CALN1: variants seen among roughly 807,000 people sequenced by gnomAD.
The protein encoded by CALN1 is calneuron 1, also known as calcium-binding protein 8.
In CALN1, 17 loss-of-function variants were observed where a neutral mutation model predicts 30.6. That is an observed-to-expected ratio of 0.56 (90% confidence interval 0.38 to 0.83). The LOEUF (loss-of-function observed/expected upper bound fraction) is 0.83. CALN1 is among the 40% of genes least tolerant of loss of function. The pLI is 0.00. For missense variants in CALN1, 291 were observed against 354.9 expected (o/e 0.82, Z 1.45); for synonymous variants, 156 against 131.4 (o/e 1.19, Z -1.28).
chr7:72,247,785 GTT>G (rs1795290276), intron 3 of CALN1, among the ~76,000 whole-genome samples: 1 of 152,128 alleles, frequency 6.6e-6, no homozygotes, highest in African/African-American at 2.4e-5. Context: ...GAGGCCTGGA[GTT>G]GGAGATGACC....
At chr7:72,212,924 C>T (rs750747472) in intron 3 of CALN1, among the ~76,000 whole-genome samples, 1 of 152,238 alleles carries the variant, frequency 6.6e-6, no homozygotes, top group Non-Finnish European at 1.5e-5. Context: ...GGGCCACCTT[C>T]CACATGGAGA....
At chr7:72,459,244 T>C in the CALN1 span, among the ~76,000 whole-genome samples, 2 of 152,156 alleles carry the variant, frequency 1.3e-5, no homozygotes, top group Non-Finnish European at 2.9e-5. Flanking sequence ...CTTAGCTCCC[T>C]GATGTAAAAT....
chr7:72,174,362 C>G (rs1221743120), intron 3 of CALN1, among the ~76,000 whole-genome samples: 1 of 152,222 alleles, frequency 6.6e-6, no homozygotes. Context: ...TATCATGCAA[C>G]CCACCCACTC....
chr7:72,367,430 C>G (rs1227635194), intron 2 of CALN1, among the ~76,000 whole-genome samples: 1 of 152,056 alleles, frequency 6.6e-6, no homozygotes. Flanking sequence ...TTGAGACCAG[C>G]CTGGGCAACA....
At chr7:71,834,199 C>T (rs1444991220) in intron 5 of CALN1, among the ~76,000 whole-genome samples, 2 of 108,842 alleles carry the variant, frequency 1.8e-5, no homozygotes, top group South Asian at 3.3e-4. Flanking sequence ...AGCCTGGTGA[C>T]AGAGCGAGAC....
intron 2 of CALN1, among the ~76,000 whole-genome samples, chr7:72,290,349 T>C (rs1293852585): frequency 1.3e-5 from 2 of 152,168 alleles, no homozygotes; most frequent in African/African-American, 4.8e-5. Context: ...GCTATGGTGG[T>C]GGCAGCAACA....
At chr7:72,221,463 A>T (rs1415381872) in intron 3 of CALN1, among the ~76,000 whole-genome samples, 1 of 151,736 alleles carries the variant, frequency 6.6e-6, no homozygotes, top group East Asian at 1.9e-4. Context: ...GATTACAGGC[A>T]CCCGCCATCG....
Position 71,810,358 on chromosome 7 carries a change from G to T in CALN1, c.636C>A (p.Asn212Lys). 1 of 1,614,052 alleles carries T rather than the reference G, an allele frequency of 6.2e-7. No homozygotes were observed. Among genetic ancestry groups the T allele is most frequent in the Non-Finnish European group, 8.5e-7 (1 of 1,179,984 alleles). The change falls in exon 6 of 7, where the codon AAC becomes AAA. Residue 212 changes from asparagine (N) to lysine (K), a missense_variant. Around this residue, in one of 2 missense-constraint regions of CALN1, gnomAD observed 169 missense variants for 251.7 expected, o/e 0.67. Coordinates refer to ENST00000395275, the MANE Select transcript of CALN1 (RefSeq NM_031468.4). ...TACCTCCTTCAAACTCTGTTTGGCA[G>T]TTCCCCGAGGTCTCATTCAGGCTCT... is the stretch of plus-strand genomic sequence containing the variant. ...EEESLNETSGNCQTEFEGVHS... is the reference protein window; with the variant it reads ...EEESLNETSGKCQTEFEGVHS...
intron 4 of CALN1, among the ~76,000 whole-genome samples, chr7:72,089,587 T>G (rs1805715072): frequency 6.6e-6 from 1 of 152,098 alleles, no homozygotes; most frequent in African/African-American, 2.4e-5. Flanking sequence ...ACCGTATTCC[T>G]GGAAGGAAAA....
intron 5 of CALN1, among the ~76,000 whole-genome samples, chr7:71,960,657 T>G (rs1797204569): frequency 2.6e-5 from 4 of 152,210 alleles, no homozygotes; most frequent in Admixed American, 2.6e-4. Context: ...AGTATCTTTT[T>G]GATATAATGA....
chr7:72,001,634 G>A (rs1281786773), intron 5 of CALN1, among the ~76,000 whole-genome samples: 1 of 152,206 alleles, frequency 6.6e-6, no homozygotes, highest in Non-Finnish European at 1.5e-5. Context: ...CTTCTTCCAA[G>A]TGGACTTTAC....
chr7:71,935,648 G>A (rs1308093538), intron 5 of CALN1, among the ~76,000 whole-genome samples: 2 of 152,152 alleles, frequency 1.3e-5, no homozygotes, highest in African/African-American at 4.8e-5. Flanking sequence ...GCTTGAACCC[G>A]GGAGGAGAAG....
At chr7:72,485,639 A>C in the CALN1 span, among the ~76,000 whole-genome samples, 1 of 152,318 alleles carries the variant, frequency 6.6e-6, no homozygotes, top group South Asian at 2.1e-4. Flanking sequence ...TGGGAGGCCC[A>C]GGCGGCAGAC....
chr7:71,820,471 T>C (rs1316243099), intron 5 of CALN1, among the ~76,000 whole-genome samples: 1 of 152,208 alleles, frequency 6.6e-6, no homozygotes, highest in African/African-American at 2.4e-5. Context: ...TCAGAATAAA[T>C]ATCTTCACGT....
chr7:72,191,820 T>C (rs1790630554), intron 3 of CALN1, among the ~76,000 whole-genome samples: 1 of 152,158 alleles, frequency 6.6e-6, no homozygotes, highest in South Asian at 2.1e-4. Context: ...GAAGTTGAAG[T>C]CTGAAGTGGG....
At chr7:71,794,440 C>T (rs543444486) in intron 6 of CALN1, among the ~76,000 whole-genome samples, 10 of 152,256 alleles carry the variant, frequency 6.6e-5, no homozygotes, top group Non-Finnish European at 1.3e-4. Flanking sequence ...TAATAGAAGA[C>T]TATAGGTCAG....
At chr7:72,375,617 G>A (rs535119310) in intron 2 of CALN1, among the ~76,000 whole-genome samples, 15 of 150,032 alleles carry the variant, frequency 1.0e-4, no homozygotes, top group African/African-American at 3.7e-4. Context: ...GCTTTCAAAA[G>A]CATAATACAA....
intron 5 of CALN1, among the ~76,000 whole-genome samples, chr7:71,881,856 T>C (rs1344951943): frequency 2.0e-5 from 3 of 151,648 alleles, no homozygotes; most frequent in Admixed American, 1.3e-4. Context: ...GAGGATTGCT[T>C]GAGGCCAGGA....
chr7:71,789,463 CATCAGAGG>C (rs1793188350), intron 6 of CALN1, among the ~76,000 whole-genome samples: 1 of 152,076 alleles, frequency 6.6e-6, no homozygotes, highest in South Asian at 2.1e-4. Context: ...AGATTTGCTG[CATCAGAGG>C]CTCTGGGAGT....
Sources: allele counts gnomAD v4.1 joint callset (sites outside exome capture counted in the v4.1 genomes callset), GRCh38; gene constraint gnomAD v4.1.1; regional missense constraint gnomAD v4.1.1; transcripts MANE v1.5; gene names NCBI Gene and HGNC (gene_info 2026-07-23, HGNC 2026-07-21).